SPIN3: variants seen among roughly 807,000 people sequenced by gnomAD.
SPIN3 encodes spindlin-3.
For missense variants in SPIN3, 176 were observed against 196.4 expected, an observed-to-expected ratio of 0.90 and a Z score of 0.62; for synonymous variants, 74 against 74.3, an observed-to-expected ratio of 1.00 and a Z score of 0.02.
At chrX:56,983,241 AAC>A (rs1462788601) in intron 3 of SPIN3, among the ~76,000 whole-genome samples, 1 of 112,051 alleles carries the variant, frequency 8.9e-6, no homozygotes, top group Non-Finnish European at 1.9e-5. Flanking sequence ...GATAGTTTTC[AAC>A]AGTCATTCTT....
chrX:56,982,583 C>G (rs1924142975), intron 3 of SPIN3: 1 of 110,725 alleles, frequency 9.0e-6, no homozygotes, highest in Non-Finnish European at 1.9e-5. Flanking sequence ...GTCACTTAGT[C>G]AAAAAATACT....
At chrX:56,994,984 G>C (rs768462145) in intron 1 of SPIN3, 35 bp from the exon 2 acceptor site, 1 of 1,129,793 alleles carries the variant, frequency 8.9e-7, no homozygotes, top group East Asian at 3.1e-5. Context: ...GGTGGACCGA[G>C]AAAGGAAATT....
rs1208613739 is a variant in SPIN3, at chrX:56,991,514, A to C, written c.*2657T>G. The C allele has an allele frequency of 8.9e-6, 1 of 112,496 alleles. No individual in the cohort carries two copies. The highest frequency in any genetic ancestry group is 1.9e-5 in the Non-Finnish European group (1 of 53,307). 9.3% of individuals were successfully genotyped at this position (112,496 alleles called of 1,213,427 possible). ...GAAGATGGGTAGAACTTTCTTCCAA[A>C]CATTTTTGAGAGATGCAAGTCTTTT... On this transcript the variant is annotated 3_prime_UTR_variant, in exon 2 of 2. Transcript: ENST00000374919.
chrX:56,981,652 A>G (rs1478231934), intron 3 of SPIN3: 1 of 112,327 alleles, frequency 8.9e-6, no homozygotes, highest in African/African-American at 3.2e-5. Flanking sequence ...ATAGATGAGC[A>G]CTGCAGACAT....
chrX:56,975,569 TC>T (rs1923988514), downstream of SPIN3: 1 of 111,578 alleles, frequency 9.0e-6, no homozygotes, highest in South Asian at 3.8e-4. Context: ...TTCTGCCATA[TC>T]CTGAACCAGT....
chrX:56,986,158 C>A (rs1380476868), downstream of SPIN3, among the ~76,000 whole-genome samples: 1 of 111,405 alleles, frequency 9.0e-6, no homozygotes, highest in African/African-American at 3.3e-5. Flanking sequence ...ATGCTTTGTT[C>A]ATGATATATC....
At chrX:56,984,518 A>G (rs1197721311) in intron 2 of SPIN3, 1 of 321,475 alleles carries the variant, frequency 3.1e-6, no homozygotes, top group Non-Finnish European at 6.0e-6. Context: ...AGGAGCTGAC[A>G]TTTGAGATTA....
chrX:56,994,144 T>A lies in SPIN3; in HGVS notation c.*27A>T. 8.6e-7 allele frequency: 1 copy of A among 1,163,942 alleles called. No homozygotes were observed. The highest frequency in any genetic ancestry group is 1.2e-6 in the Non-Finnish European group (1 of 866,930). Reference sequence around the variant, plus strand: ...CTGTGTCTACAGATTTAGAGTCTCATATATTTGGCAAATTTCAAGATGACC... The same window carrying A: ...CTGTGTCTACAGATTTAGAGTCTCAAATATTTGGCAAATTTCAAGATGACC... On this transcript the variant is annotated 3_prime_UTR_variant, in exon 2 of 2. Coordinates refer to ENST00000374919, the MANE Select transcript of SPIN3 (RefSeq NM_001010862.3).
rs1023798476 is a variant in SPIN3, at chrX:56,991,121, C to A, written c.*3050G>T. On this transcript the variant is annotated 3_prime_UTR_variant, in exon 2 of 2. Coordinates refer to ENST00000374919, the MANE Select transcript of SPIN3 (RefSeq NM_001010862.3). The stretch of plus-strand genomic sequence containing the variant: ...CCCTTTTATACTGTTTGACTTTTAC[C>A]ATAGGCATGTGTTATTTTTCTAAAA... The A allele has an allele frequency of 1.8e-5, 2 of 111,407 alleles. No homozygotes were observed. Among genetic ancestry groups the A allele is most frequent in the Non-Finnish European group, 3.8e-5 (2 of 53,068 alleles). 9.2% of individuals were successfully genotyped at this position (111,407 alleles called of 1,213,427 possible). A position where few individuals can be genotyped will look rare whatever the true frequency, so the allele number is the denominator to read the frequency against.
chrX:56,983,923 G>A (rs758639105), intron 3 of SPIN3, among the ~76,000 whole-genome samples: 1 of 112,237 alleles, frequency 8.9e-6, no homozygotes, highest in East Asian at 2.8e-4. Context: ...TAGAGCCGTA[G>A]GTTAACTAGG....
rs376207147 is a variant in SPIN3, at chrX:56,985,076, T to C, written c.226-598A>G. On this transcript the variant is annotated intron_variant and NMD_transcript_variant, in intron 2 of 5. Transcript: ENST00000475785. ...GTGAGAAAGTTCTACTTACTCTTCCTTCAAAATATACCCCAAATTTAAATA... is the reference window on the plus strand; with the variant it reads ...GTGAGAAAGTTCTACTTACTCTTCCCTCAAAATATACCCCAAATTTAAATA... Among the ~76,000 whole-genome samples the C allele has an allele frequency of 3.6e-5, 4 of 111,761 alleles. No homozygotes were observed. The East Asian group carries it at 8.4e-4, about 23-fold the overall frequency.
Position 56,992,496 on chromosome X carries a change from G to T in SPIN3, c.*1675C>A, listed in dbSNP as rs942239321. The T allele has an allele frequency of 9.8e-5, 29 of 295,477 alleles. No homozygotes were observed. Among genetic ancestry groups the T allele is most frequent in the Non-Finnish European group, 1.4e-4 (23 of 170,027 alleles). The allele number at this position is 295,477 out of a possible 1,213,427, so 24.4% of individuals were successfully genotyped here. ...AGCAAAAGTAGACAGATAAAACATA[G>T]GAGAAAAGAGAACATCTTCTTTGTT... On this transcript the variant is annotated 3_prime_UTR_variant, in exon 2 of 2. Coordinates refer to ENST00000374919, the MANE Select transcript of SPIN3 (RefSeq NM_001010862.3).
exon 6 of SPIN3, chrX:56,976,784 G>C (rs1419482710): frequency 5.4e-5 from 6 of 111,706 alleles, no homozygotes; most frequent in Non-Finnish European, 1.1e-4. Context: ...TTCTTTTGAG[G>C]ATAGCAATGG....
intron 3 of SPIN3, among the ~76,000 whole-genome samples, chrX:56,981,362 A>C (rs1924116748): frequency 9.5e-6 from 1 of 105,654 alleles, no homozygotes; most frequent in Admixed American, 1.0e-4. Flanking sequence ...CTCCATCTCA[A>C]AAAAAAAAAA....
chrX:56,994,640 C>T lies in SPIN3; in HGVS notation c.308G>A (p.Arg103Lys). The change falls in exon 2 of 2, where the codon AGA becomes AAA. Residue 103 changes from arginine to lysine, a missense_variant. By Grantham distance (26) the Arg-to-Lys change is conservative (BLOSUM62 2). Transcript: ENST00000374919. ...AGGAAGGACTTCAAGTGATGACACTCTTTCATCTCTGTGAAGTTCCAATCC... is the reference window on the plus strand; with the variant it reads ...AGGAAGGACTTCAAGTGATGACACTTTTTCATCTCTGTGAAGTTCCAATCC... ...VYGLELHRDE[R>K]VSSLEVLPNR... The T allele has an allele frequency of 1.7e-6, 2 of 1,211,681 alleles. No individual in the cohort carries two copies. Among genetic ancestry groups the T allele is most frequent in the Non-Finnish European group, 2.2e-6 (2 of 895,381 alleles).
intron 3 of SPIN3, among the ~76,000 whole-genome samples, chrX:56,981,100 C>T (rs967706483): frequency 9.1e-6 from 1 of 110,252 alleles, no homozygotes; most frequent in African/African-American, 3.3e-5. Context: ...ATGGCTCACG[C>T]CTATAATCCC....
At position 56,993,813 on chromosome X, in the gene SPIN3, C is replaced by A. The variant is rs1165590073; in HGVS notation, c.*358G>T. On this transcript the variant is annotated 3_prime_UTR_variant, in exon 2 of 2. Transcript: ENST00000374919. ...CAGCCAGTCACATGGGATATCTCAG[C>A]AAGCTTCACACCTCAATGAGTGTAG... 1 of 129,443 alleles carries A rather than the reference C, an allele frequency of 7.7e-6. No individual in the cohort carries two copies. The highest frequency in any genetic ancestry group is 3.2e-5 in the African/African-American group (1 of 31,265). 10.7% of individuals were successfully genotyped at this position (129,443 alleles called of 1,213,427 possible).
intron 3 of SPIN3, among the ~76,000 whole-genome samples, chrX:56,984,016 T>G (rs1487494153): frequency 1.8e-5 from 2 of 111,536 alleles, no homozygotes; most frequent in African/African-American, 6.5e-5. Flanking sequence ...CAGATGGGAC[T>G]TGAACTCCTG....
downstream of SPIN3, chrX:56,975,354 T>A (rs1923983468): frequency 1.8e-5 from 2 of 111,749 alleles, no homozygotes; most frequent in Non-Finnish European, 3.8e-5. Context: ...TTTAAAAATT[T>A]TCTGATTGGC....
Sources: allele counts gnomAD v4.1 joint callset (sites outside exome capture counted in the v4.1 genomes callset), GRCh38; gene constraint gnomAD v4.1.1; transcripts MANE v1.5; gene names NCBI Gene and HGNC (gene_info 2026-07-23, HGNC 2026-07-21).